The following SH3D19 variants were observed in gnomAD, a reference collection of about 807,000 sequenced individuals.
The protein encoded by SH3D19 is SH3 domain containing 19, also known as SH3 domain-containing protein 19.
In SH3D19, 58 loss-of-function variants were observed where a neutral mutation model predicts 112.1. The observed-to-expected ratio is 0.52, with a 90% CI of 0.42 to 0.64. SH3D19 has a LOEUF of 0.64. SH3D19 is among the 30% of genes least tolerant of loss of function. The probability of loss-of-function intolerance (pLI) is 0.00; values close to 1 mark genes in which losing one functional copy is unlikely to be tolerated. For missense variants in SH3D19, 1,090 were observed against 1,263.4 expected, an observed-to-expected ratio of 0.86 and a Z score of 2.08; for synonymous variants, 391 against 448.5, an observed-to-expected ratio of 0.87 and a Z score of 1.62.
intron 2 of SH3D19, among the ~76,000 whole-genome samples, chr4:151,219,890 CT>C (rs1381963794): frequency 6.6e-6 from 1 of 152,154 alleles, no homozygotes; most frequent in Middle Eastern, 3.4e-3. Flanking sequence ...TAAAGATATT[CT>C]TATATATTTC....
intron 9 of SH3D19, among the ~76,000 whole-genome samples, chr4:151,155,651 C>G (rs886303625): frequency 6.6e-6 from 1 of 152,062 alleles, no homozygotes; most frequent in Admixed American, 6.6e-5. Flanking sequence ...TCTGAGAGGC[C>G]GAGGCGGATG....
rs1022403207 is a variant in SH3D19, at chr4:151,233,510, T to C, written c.113-7424A>G. On this transcript the variant is annotated intron_variant, in intron 1 of 19. Coordinates refer to ENST00000604030, the MANE Select transcript of SH3D19 (RefSeq NM_001378122.1). Reference sequence around the variant, plus strand: ...CTTGGCTTGTCGTCCTTTCCTCCAATAGTGTAGCATTTAAAAATCTCTTTC... The same window carrying C: ...CTTGGCTTGTCGTCCTTTCCTCCAACAGTGTAGCATTTAAAAATCTCTTTC... Among the ~76,000 whole-genome samples the C allele has an allele frequency of 2.6e-5, 4 of 152,232 alleles. No individual in the cohort carries two copies. The East Asian group carries it at 5.8e-4, about 22-fold the overall frequency.
rs370910406 is a variant in SH3D19, at chr4:151,147,973, C to T, written c.2031G>A (p.Pro677=). 1.8e-4 allele frequency: 285 copies of T among 1,614,006 alleles called. No individual in the cohort carries two copies. Among genetic ancestry groups the T allele is most frequent in the Admixed American group, 2.7e-4 (16 of 59,996 alleles). ...AKSQVFKNQD[P]VLPPRPKPGH... is the part of the protein sequence containing the mutation. ...CTGGTTTGGGACGAGGGGGTAGCAC[C>T]GGATCTTGATTTTTAAAAACTTGAC... Residue 677 remains proline (P), a synonymous_variant, in exon 11 of 20, where the codon CCG becomes CCA. Coordinates refer to ENST00000604030, the MANE Select transcript of SH3D19 (RefSeq NM_001378122.1).
At chr4:151,165,213 G>A (rs1757795758) in intron 8 of SH3D19, among the ~76,000 whole-genome samples, 1 of 152,144 alleles carries the variant, frequency 6.6e-6, no homozygotes, top group South Asian at 2.1e-4. Flanking sequence ...GTGGTGGCGT[G>A]TGCCTGTAGT....
At chr4:151,165,784 T>C in intron 7 of SH3D19, 88 bp from the exon 8 acceptor site, 2 of 1,143,968 alleles carry the variant, frequency 1.7e-6, no homozygotes, top group Non-Finnish European at 2.6e-6. Context: ...GTCATATTTT[T>C]CATGCCCCTG....
chr4:151,176,054 C>G (rs926111863), intron 6 of SH3D19, among the ~76,000 whole-genome samples: 2 of 151,938 alleles, frequency 1.3e-5, no homozygotes, highest in African/African-American at 2.4e-5. Flanking sequence ...CATTTTTTTG[C>G]AGAGATGGGA....
intron 8 of SH3D19, among the ~76,000 whole-genome samples, chr4:151,165,097 T>C (rs986497609): frequency 1.3e-5 from 2 of 152,172 alleles, no homozygotes; most frequent in Admixed American, 6.5e-5. Flanking sequence ...AATTTCAGTT[T>C]CCCTCTATTC....
At chr4:151,222,263 T>C (rs946033171) in intron 2 of SH3D19, among the ~76,000 whole-genome samples, 1 of 152,222 alleles carries the variant, frequency 6.6e-6, no homozygotes, top group Non-Finnish European at 1.5e-5. Flanking sequence ...TCCTTCTATT[T>C]TGAAATTTTC....
At chr4:151,127,102 G>T (rs1425636348) in intron 19 of SH3D19, among the ~76,000 whole-genome samples, 3 of 151,812 alleles carry the variant, frequency 2.0e-5, no homozygotes, top group African/African-American at 7.3e-5. Context: ...TAGTAGAGAC[G>T]GGGTTTCACC....
intron 2 of SH3D19, among the ~76,000 whole-genome samples, chr4:151,222,813 C>T (rs1411454882): frequency 1.3e-5 from 2 of 151,750 alleles, no homozygotes; most frequent in Non-Finnish European, 2.9e-5. Flanking sequence ...GCTGGGATTA[C>T]AGGCATGCAC....
At chr4:151,168,330 C>G (rs1295171941) in intron 7 of SH3D19, among the ~76,000 whole-genome samples, 1 of 151,914 alleles carries the variant, frequency 6.6e-6, no homozygotes, top group Non-Finnish European at 1.5e-5. Context: ...TTTCCAAAAA[C>G]TGGATTTTAC....
chr4:151,275,932 T>C (rs1483807718), intron 1 of SH3D19, among the ~76,000 whole-genome samples: 1 of 148,372 alleles, frequency 6.7e-6, no homozygotes, highest in African/African-American at 2.5e-5. Flanking sequence ...AACCTCCGCC[T>C]CCCGGGTTCA....
intron 1 of SH3D19, chr4:151,283,275 G>T: frequency 1.2e-6 from 2 of 1,613,520 alleles, no homozygotes; most frequent in Middle Eastern, 1.7e-4. Context: ...AAACATGAAG[G>T]ATAGTTGCAA....
In SH3D19 at chr4:151,282,904, T is replaced by TA. The variant is rs201502254; in HGVS notation, c.112+42336dup. ...TCATTATTTAGAACAATGGCTCAAT[T>TA]AAAAAAAAACCTCAAAGAAGCAGAA... On this transcript the variant is annotated intron_variant, in intron 1 of 19. Transcript: ENST00000604030. Among the ~76,000 whole-genome samples the TA allele has an allele frequency of 1.9e-3, 292 of 151,544 alleles. 2 individuals are homozygous for TA. Among genetic ancestry groups the TA allele is most frequent in the African/African-American group, 6.7e-3 (276 of 41,340 alleles).
chr4:151,317,245 A>C (rs1293609741), intron 1 of SH3D19, among the ~76,000 whole-genome samples: 1 of 152,228 alleles, frequency 6.6e-6, no homozygotes, highest in African/African-American at 2.4e-5. Flanking sequence ...AAACTGCTGT[A>C]AACTATGTCG....
intron 12 of SH3D19, among the ~76,000 whole-genome samples, chr4:151,142,326 T>G (rs942249833): frequency 6.6e-6 from 1 of 152,164 alleles, no homozygotes; most frequent in African/African-American, 2.4e-5. Flanking sequence ...ATAACCCAAG[T>G]GCAGAACACT....
chr4:151,196,281 T>C (rs1016755814), intron 2 of SH3D19, among the ~76,000 whole-genome samples: 8 of 152,062 alleles, frequency 5.3e-5, no homozygotes, highest in African/African-American at 1.9e-4. Context: ...AAAAATTAAC[T>C]GGATGTGGTG....
At chr4:151,212,441 C>T (rs1301794037) in intron 2 of SH3D19, among the ~76,000 whole-genome samples, 1 of 152,148 alleles carries the variant, frequency 6.6e-6, no homozygotes, top group East Asian at 1.9e-4. Context: ...GGCACCTGGC[C>T]TCATTTACCA....
At chr4:151,123,006 C>T (rs566258268) in intron 19 of SH3D19, among the ~76,000 whole-genome samples, 1 of 152,140 alleles carries the variant, frequency 6.6e-6, no homozygotes, top group East Asian at 1.9e-4. Context: ...TGCCTGCCAC[C>T]ACGTCCAGCT....
Sources: gnomAD v4.1 joint callset for allele counts (sites outside exome capture counted in the v4.1 genomes callset) on GRCh38, gnomAD v4.1.1 for gene constraint, MANE v1.5 for transcripts, NCBI Gene and HGNC (gene_info 2026-07-23, HGNC 2026-07-21) for gene names.